The following GLIS1 variants were observed in gnomAD, a reference collection of about 807,000 sequenced individuals.
GLIS1 encodes the protein GLIS family zinc finger 1, also known as zinc finger protein GLIS1.
In GLIS1, 24 loss-of-function variants were observed where a neutral mutation model predicts 63.8. That is an observed-to-expected ratio of 0.38 (90% CI 0.27 to 0.53). GLIS1 has a LOEUF of 0.53. Ranked by LOEUF, GLIS1 falls within the 20% of genes least tolerant of loss-of-function variation. GLIS1 has a pLI of 0.85. For synonymous variants in GLIS1, 450 were observed against 482.5 expected (o/e 0.93, Z 0.88); for missense variants, 1,036 against 1,074.1 (o/e 0.96, Z 0.50).
At chr1:53,642,785 C>T (rs892340478) in intron 2 of GLIS1, among the ~76,000 whole-genome samples, 3 of 152,166 alleles carry the variant, frequency 2.0e-5, no homozygotes, top group Non-Finnish European at 2.9e-5. Context: ...ACGTCACCTC[C>T]TCCGGGAAGT....
chr1:53,553,780 A>G (rs921327960), intron 4 of GLIS1, among the ~76,000 whole-genome samples: 3 of 152,186 alleles, frequency 2.0e-5, no homozygotes, highest in African/African-American at 4.8e-5. Context: ...AATTTTGGAT[A>G]AAGGGAATAG....
chr1:53,738,915 CG>C (rs1646940127), intron 1 of GLIS1, among the ~76,000 whole-genome samples, 189 bp downstream of exon 1: 1 of 152,186 alleles, frequency 6.6e-6, no homozygotes, highest in African/African-American at 2.4e-5. Context: ...TCGCCACACG[CG>C]CGTGCGATGG....
intron 2 of GLIS1, among the ~76,000 whole-genome samples, chr1:53,720,842 TACA>T (rs1171934252): frequency 6.6e-6 from 1 of 152,080 alleles, no homozygotes; most frequent in Non-Finnish European, 1.5e-5. Flanking sequence ...CTACAAAACA[TACA>T]ACATTATCTG....
intron 2 of GLIS1, among the ~76,000 whole-genome samples, chr1:53,689,572 C>T (rs751270751): frequency 1.3e-5 from 2 of 152,100 alleles, no homozygotes; most frequent in Non-Finnish European, 2.9e-5. Flanking sequence ...TGCCTGAGAA[C>T]AGTAGAAGGC....
At chr1:53,587,620 T>G (rs1645148694) in intron 4 of GLIS1, among the ~76,000 whole-genome samples, 1 of 152,186 alleles carries the variant, frequency 6.6e-6, no homozygotes, top group South Asian at 2.1e-4. Flanking sequence ...TGTTCTCTAC[T>G]CCAAGACAGA....
intron 2 of GLIS1, among the ~76,000 whole-genome samples, chr1:53,674,822 T>C (rs1220713703): frequency 6.6e-6 from 1 of 152,172 alleles, no homozygotes; most frequent in Non-Finnish European, 1.5e-5. Context: ...GGCAGGAAAT[T>C]TCTCTTTTAC....
chr1:53,659,894 A>T (rs973943397), intron 2 of GLIS1, among the ~76,000 whole-genome samples: 2 of 152,208 alleles, frequency 1.3e-5, no homozygotes, highest in African/African-American at 4.8e-5. Flanking sequence ...CAATAAAGGT[A>T]GATGTTGACT....
At chr1:53,684,338 G>A (rs540010857) in intron 2 of GLIS1, among the ~76,000 whole-genome samples, 30 of 152,230 alleles carry the variant, frequency 2.0e-4, no homozygotes, top group African/African-American at 5.3e-4. Context: ...AAATTCAGCC[G>A]ATTTTCCTAA....
chr1:53,698,910 G>A (rs1359867000), intron 2 of GLIS1, among the ~76,000 whole-genome samples: 1 of 152,178 alleles, frequency 6.6e-6, no homozygotes, highest in East Asian at 1.9e-4. Flanking sequence ...GGAGACTGAA[G>A]TGACTTGCCC....
intron 4 of GLIS1, among the ~76,000 whole-genome samples, chr1:53,583,269 A>C (rs1645103889): frequency 6.6e-6 from 1 of 152,180 alleles, no homozygotes; most frequent in Non-Finnish European, 1.5e-5. Flanking sequence ...CACAGGATCT[A>C]GCCATCAAAA....
intron 2 of GLIS1, among the ~76,000 whole-genome samples, chr1:53,690,357 C>A (rs893777557): frequency 6.6e-5 from 10 of 152,250 alleles, no homozygotes; most frequent in Non-Finnish European, 1.3e-4. Context: ...CTGTGAAGAC[C>A]TGTGCTGCAG....
intron 4 of GLIS1, among the ~76,000 whole-genome samples, chr1:53,584,745 C>T (rs1186164250): frequency 6.6e-6 from 1 of 152,158 alleles, no homozygotes; most frequent in Non-Finnish European, 1.5e-5. Context: ...CCAAGGTGAC[C>T]GAGACCTTAG....
intron 2 of GLIS1, among the ~76,000 whole-genome samples, chr1:53,658,202 C>T (rs1290859461): frequency 6.6e-6 from 1 of 152,174 alleles, no homozygotes; most frequent in Non-Finnish European, 1.5e-5. Flanking sequence ...TCCTTCAGGG[C>T]CCAGCTAAAA....
At chr1:53,695,666 T>A (rs1471267858) in intron 2 of GLIS1, among the ~76,000 whole-genome samples, 2 of 151,908 alleles carry the variant, frequency 1.3e-5, no homozygotes. Flanking sequence ...GGGCGCGGGG[T>A]GGTAGACAAG....
chr1:53,601,824 C>A (rs977984196), intron 2 of GLIS1, among the ~76,000 whole-genome samples: 1 of 152,234 alleles, frequency 6.6e-6, no homozygotes, highest in African/African-American at 2.4e-5. Flanking sequence ...TTCTAGCCCA[C>A]CCTCAAGGCA....
chr1:53,524,456 C>T (rs747559190), intron 6 of GLIS1, among the ~76,000 whole-genome samples: 6 of 152,226 alleles, frequency 3.9e-5, no homozygotes, highest in South Asian at 2.1e-4. Context: ...CTGCATCTTC[C>T]GTGCCCAGCA....
At chr1:53,529,204 G>A (rs1433455822) in intron 5 of GLIS1, among the ~76,000 whole-genome samples, 2 of 152,232 alleles carry the variant, frequency 1.3e-5, no homozygotes, top group African/African-American at 4.8e-5. Flanking sequence ...TGCAAACAAG[G>A]GAAGGAAGGT....
chr1:53,679,750 G>GC (rs1646255036), intron 2 of GLIS1, among the ~76,000 whole-genome samples: 1 of 152,172 alleles, frequency 6.6e-6, no homozygotes, highest in Admixed American at 6.5e-5. Context: ...TTCTGGCGCT[G>GC]CCGGGAGGAG....
chr1:53,581,037 G>A (rs1199638198), intron 4 of GLIS1, among the ~76,000 whole-genome samples: 1 of 151,168 alleles, frequency 6.6e-6, no homozygotes, highest in Non-Finnish European at 1.5e-5. Context: ...GGATAAGAAC[G>A]CCTCTCTGGG....
Sources: allele counts gnomAD v4.1 joint callset (sites outside exome capture counted in the v4.1 genomes callset), GRCh38; gene constraint gnomAD v4.1.1; transcripts MANE v1.5; gene names NCBI Gene and HGNC (gene_info 2026-07-23, HGNC 2026-07-21).